The following SEPTIN11 variants were observed in gnomAD, a reference collection of about 807,000 sequenced individuals.
SEPTIN11 encodes septin-11.
SEPTIN11 carries 25 observed loss-of-function variants against 51.4 expected under a neutral mutation model. The observed-to-expected ratio is 0.49, with a 90% confidence interval of 0.35 to 0.68. The LOEUF is 0.68. Among genes scored for constraint, SEPTIN11 ranks in the 30% least tolerant of loss-of-function variants. The pLI is 0.00. For synonymous variants in SEPTIN11, 174 were observed against 184.1 expected, an observed-to-expected ratio of 0.95 and a Z score of 0.44; for missense variants, 381 against 520.8, an observed-to-expected ratio of 0.73 and a Z score of 2.61.
chr4:76,990,766 C>CA (rs1396532415), intron 1 of SEPTIN11, among the ~76,000 whole-genome samples: 1 of 152,226 alleles, frequency 6.6e-6, no homozygotes, highest in African/African-American at 2.4e-5. Flanking sequence ...CACACAAGAA[C>CA]AAAATCACCT....
At chr4:77,001,809 A>AT (rs1724140486) in intron 2 of SEPTIN11, among the ~76,000 whole-genome samples, 1 of 152,272 alleles carries the variant, frequency 6.6e-6, no homozygotes, top group Admixed American at 6.5e-5. Flanking sequence ...TTAGAAAGAA[A>AT]TTTTTGTCTT....
At position 77,035,374 on chromosome 4, in the gene SEPTIN11, C is replaced by T. The variant is rs1419766273; in HGVS notation, c.*862C>T. 8 of 985,302 alleles carry T rather than the reference C, an allele frequency of 8.1e-6. No homozygotes were observed. The highest frequency in any genetic ancestry group is 8.4e-6 in the Non-Finnish European group (7 of 829,934). 61.0% of individuals were successfully genotyped at this position (985,302 alleles called of 1,614,324 possible). A position where few individuals can be genotyped will look rare whatever the true frequency, so the allele number is the denominator to read the frequency against. Reference sequence around the variant, plus strand: ...TCATAAACACACCTCAGTTTGTTCCCAGTGGGCTTAGAGGGAGGACCTGAT... The same window carrying T: ...TCATAAACACACCTCAGTTTGTTCCTAGTGGGCTTAGAGGGAGGACCTGAT... On this transcript the variant is annotated 3_prime_UTR_variant, in exon 10 of 10. Coordinates refer to ENST00000264893, the MANE Select transcript of SEPTIN11 (RefSeq NM_018243.4).
intron 5 of SEPTIN11, among the ~76,000 whole-genome samples, chr4:77,016,629 T>TACACACATATATATATATACACACAC (rs1553975018): frequency 1.4e-5 from 1 of 74,060 alleles, no homozygotes; most frequent in African/African-American, 6.2e-5. Context: ...TATATATATA[T>TACACACATATATATATATACACACAC]ACACATATAT....
At chr4:77,004,420 T>G (rs145806239) in intron 2 of SEPTIN11, among the ~76,000 whole-genome samples, 96 of 152,268 alleles carry the variant, frequency 6.3e-4, no homozygotes, top group African/African-American at 2.1e-3. Flanking sequence ...AAAAACAATA[T>G]GGAGAGATTA....
rs1727176779 is a variant in SEPTIN11, at chr4:77,038,396, A to G, written c.*3884A>G. Reference sequence around the variant, plus strand: ...CTTTCATTGTTAATGCAGAATTGTCATATATGTAAGCTGCATGTTAGACAT... The same window carrying G: ...CTTTCATTGTTAATGCAGAATTGTCGTATATGTAAGCTGCATGTTAGACAT... On this transcript the variant is annotated 3_prime_UTR_variant, in exon 10 of 10. Coordinates refer to ENST00000264893, the MANE Select transcript of SEPTIN11 (RefSeq NM_018243.4). The G allele has an allele frequency of 2.0e-6, 2 of 985,718 alleles. No homozygotes were observed. The highest frequency in any genetic ancestry group is 1.1e-4 in the East Asian group (1 of 8,826). The allele number at this position is 985,718 out of a possible 1,614,324, so 61.1% of individuals were successfully genotyped here. A position where few individuals can be genotyped will look rare whatever the true frequency, so the allele number is the denominator to read the frequency against.
At position 77,037,533 on chromosome 4, in the gene SEPTIN11, GACC is replaced by G. The variant is rs1727117391; in HGVS notation, c.*3024_*3026del. ...AATTTTTATGCTAGGATGCCTTTATGACCACTTAATTTTTTAATCTTAGTTTAA... is the reference window on the plus strand; with the variant it reads ...AATTTTTATGCTAGGATGCCTTTATGACTTAATTTTTTAATCTTAGTTTAA... On this transcript the variant is annotated 3_prime_UTR_variant, in exon 10 of 10. Transcript: ENST00000264893. 2 of 985,172 alleles carry G rather than the reference GACC, an allele frequency of 2.0e-6. No individual in the cohort carries two copies. The highest frequency in any genetic ancestry group is 2.4e-6 in the Non-Finnish European group (2 of 829,896). The allele number at this position is 985,172 out of a possible 1,614,324, so 61.0% of individuals were successfully genotyped here.
intron 3 of SEPTIN11, among the ~76,000 whole-genome samples, 195 bp from the exon 4 acceptor site, chr4:77,011,540 A>C (rs1385554031): frequency 6.6e-6 from 1 of 151,506 alleles, no homozygotes; most frequent in African/African-American, 2.4e-5. Flanking sequence ...GGGCTGCTAC[A>C]AATGATTGGG....
At chr4:76,954,246 T>G (rs536497646) in intron 1 of SEPTIN11, among the ~76,000 whole-genome samples, 4 of 152,350 alleles carry the variant, frequency 2.6e-5, no homozygotes, top group Admixed American at 6.5e-5. Flanking sequence ...GAGTTTTCTG[T>G]GCCTGTGTTT....
intron 3 of SEPTIN11, among the ~76,000 whole-genome samples, chr4:77,007,123 G>A (rs1199958719): frequency 6.6e-6 from 1 of 152,202 alleles, no homozygotes; most frequent in Non-Finnish European, 1.5e-5. Flanking sequence ...ATGATGGAGA[G>A]GCCCCTGCCT....
intron 1 of SEPTIN11, among the ~76,000 whole-genome samples, chr4:76,988,843 T>C (rs1723187742): frequency 6.6e-6 from 1 of 152,236 alleles, no homozygotes; most frequent in African/African-American, 2.4e-5. Flanking sequence ...AATTAAAAGT[T>C]GAGGTGGAAA....
Position 77,037,493 on chromosome 4 carries a change from G to T in SEPTIN11, c.*2981G>T. ...TGAGAAATTACCATCTTCTACTAGA[G>T]AAAACCAAGAGAAAAATTTTTATGC... On this transcript the variant is annotated 3_prime_UTR_variant, in exon 10 of 10. Coordinates refer to ENST00000264893, the MANE Select transcript of SEPTIN11 (RefSeq NM_018243.4). The T allele has an allele frequency of 1.0e-6, 1 of 985,332 alleles. No individual in the cohort carries two copies. The highest frequency in any genetic ancestry group is 1.2e-6 in the Non-Finnish European group (1 of 829,874). 61.0% of individuals were successfully genotyped at this position (985,332 alleles called of 1,614,324 possible). A position where few individuals can be genotyped will look rare whatever the true frequency, so the allele number is the denominator to read the frequency against.
chr4:76,986,641 ACACTTTTC>A (rs1387047643), intron 1 of SEPTIN11, among the ~76,000 whole-genome samples: 4 of 152,118 alleles, frequency 2.6e-5, no homozygotes, highest in Non-Finnish European at 4.4e-5. Context: ...ACCTTCCACT[ACACTTTTC>A]CACTTTTCCG....
rs571678244 is a variant in SEPTIN11 at position 77,036,774 on chromosome 4, C to T, written c.*2262C>T. Reference sequence around the variant, plus strand: ...ATCTATGCCTTTTTTTCACAGTAGTCCTTGGCTCTGCACGGAATAAATGAT... The same window carrying T: ...ATCTATGCCTTTTTTTCACAGTAGTTCTTGGCTCTGCACGGAATAAATGAT... On this transcript the variant is annotated 3_prime_UTR_variant, in exon 10 of 10. Transcript: ENST00000264893. 1 of 1,534,978 alleles carries T rather than the reference C, an allele frequency of 6.5e-7. No individual in the cohort carries two copies. Among genetic ancestry groups the T allele is most frequent in the South Asian group, 1.2e-5 (1 of 83,888 alleles).
At chr4:77,001,246 CA>C (rs1228338388) in intron 2 of SEPTIN11, among the ~76,000 whole-genome samples, 1 of 151,922 alleles carries the variant, frequency 6.6e-6, no homozygotes. Flanking sequence ...AGTGTTTAGG[CA>C]GATGAATTTA....
intron 1 of SEPTIN11, chr4:76,995,700 A>G: frequency 7.9e-7 from 1 of 1,259,076 alleles, no homozygotes; most frequent in Non-Finnish European, 1.1e-6. Flanking sequence ...ATATAACAGC[A>G]TAAATCACCC....
Position 76,984,022 on chromosome 4 carries a change from A to G in SEPTIN11, c.28-12403A>G, listed in dbSNP as rs966197493. ...ACTCCATTTCAGGGAAAAAAAGAAA[A>G]GAAAAAAAGAACTCTTAGGAAGACT... On this transcript the variant is annotated intron_variant, in intron 1 of 9. Transcript: ENST00000264893. The surrounding 1 kb of genome is among the most constrained non-coding windows in gnomAD (Gnocchi z 4.1). Among the ~76,000 whole-genome samples the G allele has an allele frequency of 6.6e-6, 1 of 152,224 alleles. No individual in the cohort carries two copies. Among genetic ancestry groups the G allele is most frequent in the Non-Finnish European group, 1.5e-5 (1 of 68,038 alleles).
intron 1 of SEPTIN11, among the ~76,000 whole-genome samples, chr4:76,968,443 T>C (rs1722116977): frequency 6.6e-6 from 1 of 152,194 alleles, no homozygotes; most frequent in Admixed American, 6.5e-5. Flanking sequence ...TCGGTCTTCC[T>C]GCCTATACAA....
chr4:77,038,496 G>A lies in SEPTIN11; in HGVS notation c.*3984G>A. 1.0e-6 allele frequency: 1 copy of A among 985,926 alleles called. No homozygotes were observed. Among genetic ancestry groups the A allele is most frequent in the Non-Finnish European group, 1.2e-6 (1 of 830,018 alleles). 61.1% of individuals were successfully genotyped at this position (985,926 alleles called of 1,614,324 possible). A position where few individuals can be genotyped will look rare whatever the true frequency, so the allele number is the denominator to read the frequency against. Reference sequence around the variant, plus strand: ...TTTCAAATATGAAAGTGATCACTTAGCAACATGCTTGGTAATTTGGCATCT... The same window carrying A: ...TTTCAAATATGAAAGTGATCACTTAACAACATGCTTGGTAATTTGGCATCT... On this transcript the variant is annotated 3_prime_UTR_variant, in exon 10 of 10. Coordinates refer to ENST00000264893, the MANE Select transcript of SEPTIN11 (RefSeq NM_018243.4).
intron 1 of SEPTIN11, among the ~76,000 whole-genome samples, chr4:76,956,687 G>A (rs554226526): frequency 2.0e-5 from 3 of 152,308 alleles, no homozygotes; most frequent in African/African-American, 7.2e-5. Context: ...CTTCCATGCA[G>A]ATTGTATTGG....
Sources: gnomAD v4.1 joint callset for allele counts (sites outside exome capture counted in the v4.1 genomes callset) on GRCh38, gnomAD v4.1.1 for gene constraint, Gnocchi (gnomAD v3.1) non-coding constraint, MANE v1.5 for transcripts, NCBI Gene and HGNC (gene_info 2026-07-23, HGNC 2026-07-21) for gene names.